SDK1: variants seen among roughly 807,000 people sequenced by gnomAD.
SDK1 encodes protein sidekick-1.
SDK1 carries 157 observed loss-of-function variants against 245.5 expected under a neutral mutation model. The observed-to-expected ratio is 0.64, with a 90% confidence interval of 0.56 to 0.73. The LOEUF is 0.73. Among genes scored for constraint, SDK1 ranks in the 30% least tolerant of loss-of-function variants. SDK1 has a pLI of 0.00. For missense variants in SDK1, 3,583 were observed against 3,002.3 expected (o/e 1.19, Z -4.52); for synonymous variants, 1,647 against 1,278.5 (o/e 1.29, Z -6.15).
intron 38 of SDK1, among the ~76,000 whole-genome samples, chr7:4,215,332 T>C (rs1212623715): frequency 6.6e-6 from 1 of 152,128 alleles, no homozygotes; most frequent in African/African-American, 2.4e-5. Context: ...TTCTCCTGAG[T>C]CCAGGCCTTG....
chr7:3,321,107 G>T (rs1438788585), intron 1 of SDK1, among the ~76,000 whole-genome samples: 5 of 152,144 alleles, frequency 3.3e-5, no homozygotes, highest in Non-Finnish European at 7.4e-5. Context: ...TCAACTGAAG[G>T]CTCTTGAAAT....
chr7:3,938,659 A>AAAAAAAAAAAAAAAAAAAAAAAG (rs1554284813), intron 5 of SDK1, among the ~76,000 whole-genome samples: 2 of 150,952 alleles, frequency 1.3e-5, no homozygotes, highest in African/African-American at 5.0e-5. Flanking sequence ...AAAAAAAAAA[A>AAAAAAAAAAAAAAAAAAAAAAAG]AGAGATCCTC....
chr7:4,171,300 A>G (rs774503958), intron 32 of SDK1, among the ~76,000 whole-genome samples: 2 of 152,110 alleles, frequency 1.3e-5, no homozygotes, highest in Non-Finnish European at 2.9e-5. Flanking sequence ...TTGTTTCTCT[A>G]GCTCTATTAC....
At chr7:4,226,444 G>C (rs945459644) in intron 40 of SDK1, among the ~76,000 whole-genome samples, 3 of 152,250 alleles carry the variant, frequency 2.0e-5, no homozygotes, top group African/African-American at 7.2e-5. Flanking sequence ...TGGTAGTGGA[G>C]CGTGCTGCCC....
At chr7:3,467,029 C>CACACACAG (rs1288513856) in intron 1 of SDK1, among the ~76,000 whole-genome samples, 56 of 137,648 alleles carry the variant, frequency 4.1e-4, no homozygotes, top group Middle Eastern at 3.7e-3. Context: ...CACACACACA[C>CACACACAG]AGAGATGTAA....
At chr7:3,308,418 AAAAC>A (rs1326867298) in intron 1 of SDK1, among the ~76,000 whole-genome samples, 1 of 152,158 alleles carries the variant, frequency 6.6e-6, no homozygotes, top group Non-Finnish European at 1.5e-5. Context: ...GGCTTTTAGT[AAAAC>A]AAAGGGTCTT....
intron 1 of SDK1, among the ~76,000 whole-genome samples, chr7:3,498,127 A>G (rs745515060): frequency 5.9e-5 from 9 of 152,208 alleles, no homozygotes; most frequent in Non-Finnish European, 1.3e-4. Flanking sequence ...TATTCTTAAA[A>G]CTAATTTGGG....
At chr7:3,595,797 C>T (rs74328156) in intron 1 of SDK1, among the ~76,000 whole-genome samples, 2 of 133,396 alleles carry the variant, frequency 1.5e-5, no homozygotes, top group Non-Finnish European at 3.1e-5. Context: ...CACTGCACTC[C>T]AGCCTGGTCG....
intron 1 of SDK1, among the ~76,000 whole-genome samples, chr7:3,353,875 G>A (rs1053211377): frequency 9.7e-5 from 12 of 123,952 alleles, no homozygotes; most frequent in Admixed American, 1.5e-4. Flanking sequence ...CTTTCTGTAC[G>A]TCTTCACGTC....
At chr7:4,103,959 C>G (rs553331643) in intron 22 of SDK1, among the ~76,000 whole-genome samples, 35 of 152,402 alleles carry the variant, frequency 2.3e-4, no homozygotes, top group African/African-American at 8.4e-4. Context: ...GCCGCACAAA[C>G]CAGTGACAGT....
At position 4,265,786 on chromosome 7, in the gene SDK1, C is replaced by T. The variant is rs1788431140; in HGVS notation, c.*402C>T. ...AGATCTCAGAGCTGCCCCGGCCGGC[C>T]CCCGTCTCTTTCTACCTCCTCTTCC... is the stretch of plus-strand genomic sequence containing the variant. On this transcript the variant is annotated 3_prime_UTR_variant, in exon 45 of 45. Transcript: ENST00000404826. The T allele has an allele frequency of 3.0e-6, 3 of 1,011,468 alleles. No individual in the cohort carries two copies. Among genetic ancestry groups the T allele is most frequent in the Non-Finnish European group, 3.5e-6 (3 of 848,922 alleles). 62.7% of individuals were successfully genotyped at this position (1,011,468 alleles called of 1,614,324 possible). A position where few individuals can be genotyped will look rare whatever the true frequency, so the allele number is the denominator to read the frequency against.
intron 1 of SDK1, among the ~76,000 whole-genome samples, chr7:3,536,759 A>T (rs1246881178): frequency 1.3e-5 from 2 of 152,126 alleles, no homozygotes; most frequent in Non-Finnish European, 2.9e-5. Flanking sequence ...AAATAAAGCA[A>T]ATGTTAACAA....
At chr7:4,180,472 T>G (rs186832752) in intron 35 of SDK1, among the ~76,000 whole-genome samples, 1 of 112,948 alleles carries the variant, frequency 8.9e-6, no homozygotes, top group Non-Finnish European at 1.8e-5. Flanking sequence ...CTCTATGCCC[T>G]GTGCCTGGCT....
At chr7:3,739,756 C>A (rs1395695321) in intron 4 of SDK1, among the ~76,000 whole-genome samples, 1 of 151,986 alleles carries the variant, frequency 6.6e-6, no homozygotes, top group African/African-American at 2.4e-5. Context: ...GTCTAGCATA[C>A]CTTAGGGGCA....
At chr7:3,630,635 C>G (rs946472996) in intron 2 of SDK1, among the ~76,000 whole-genome samples, 1 of 151,568 alleles carries the variant, frequency 6.6e-6, no homozygotes, top group South Asian at 2.1e-4. Context: ...GACTCCATCT[C>G]AAGAAGAAAA....
intron 4 of SDK1, among the ~76,000 whole-genome samples, chr7:3,689,900 G>C (rs2114994351): frequency 6.6e-6 from 1 of 152,304 alleles, no homozygotes; most frequent in East Asian, 1.9e-4. Context: ...TTGACAGCCA[G>C]AACATGTGTG....
intron 5 of SDK1, among the ~76,000 whole-genome samples, chr7:3,882,023 G>C (rs1436224147): frequency 6.6e-6 from 1 of 152,114 alleles, no homozygotes; most frequent in Non-Finnish European, 1.5e-5. Context: ...ACATAGCTGG[G>C]GAGGCCTCAC....
chr7:3,699,694 G>T (rs964941484), intron 4 of SDK1, among the ~76,000 whole-genome samples: 3 of 152,138 alleles, frequency 2.0e-5, no homozygotes, highest in Admixed American at 2.0e-4. Context: ...AAGAAGAAGA[G>T]AAAGAGGGTA....
At position 4,023,080 on chromosome 7, in the gene SDK1, T is replaced by A. The variant is rs145980169; in HGVS notation, c.2602+5728T>A. ...TGAGCCAACACGCCCGGCCCTTGTTTTTCTTTTCAATCCCATTTATGGCTC... is the reference window on the plus strand; with the variant it reads ...TGAGCCAACACGCCCGGCCCTTGTTATTCTTTTCAATCCCATTTATGGCTC... On this transcript the variant is annotated intron_variant, in intron 17 of 44. Transcript: ENST00000404826. Among the ~76,000 whole-genome samples the A allele has an allele frequency of 4.9e-3, 748 of 152,266 alleles. 2 individuals are homozygous for A. Among genetic ancestry groups the A allele is most frequent in the African/African-American group, 0.018 (732 of 41,558 alleles).
Sources: gnomAD v4.1 joint callset for allele counts (sites outside exome capture counted in the v4.1 genomes callset) on GRCh38, gnomAD v4.1.1 for gene constraint, MANE v1.5 for transcripts, NCBI Gene and HGNC (gene_info 2026-07-23, HGNC 2026-07-21) for gene names.